RPS6KA4: variants seen among roughly 807,000 people sequenced by gnomAD.
RPS6KA4 encodes the protein ribosomal protein S6 kinase A4, also known as ribosomal protein S6 kinase alpha-4.
Under a neutral mutation model 89.6 loss-of-function variants are expected in RPS6KA4, and 38 were observed. That is an observed-to-expected ratio of 0.42 (90% CI 0.33 to 0.56). The LOEUF (loss-of-function observed/expected upper bound fraction) is 0.56, where lower values mean the gene tolerates loss of function less well. Ranked by LOEUF, RPS6KA4 falls within the 20% of genes least tolerant of loss-of-function variation. The pLI is 0.07. For missense variants in RPS6KA4, 873 were observed against 1,098.8 expected (o/e 0.79, Z 2.90); for synonymous variants, 495 against 492.8 (o/e 1.00, Z -0.06).
chr11:64,371,707 T>G lies in RPS6KA4; in HGVS notation c.*227T>G. The G allele has an allele frequency of 2.2e-6, 1 of 457,494 alleles. No individual in the cohort carries two copies. 28.3% of individuals were successfully genotyped at this position (457,494 alleles called of 1,614,324 possible). Reference sequence around the variant, plus strand: ...GGGGGGCCTGCTGGGGAGTGGGGTTTGGGGGGCCCTCTCCCAGGACACTGC... The same window carrying G: ...GGGGGGCCTGCTGGGGAGTGGGGTTGGGGGGGCCCTCTCCCAGGACACTGC... On this transcript the variant is annotated 3_prime_UTR_variant, in exon 17 of 17. Coordinates refer to ENST00000334205, the MANE Select transcript of RPS6KA4 (RefSeq NM_003942.3).
Position 64,361,019 on chromosome 11 carries a change from C to G in RPS6KA4, c.463-115C>G, listed in dbSNP as rs1234485615. On this transcript the variant is annotated intron_variant, in intron 4 of 16. Transcript: ENST00000334205. This position sits in a 1 kb window ranked among gnomAD's most constrained non-coding sequence, Gnocchi z 4.7. ...AGTGGCTCTGCCCTGGAGACCCCCT[C>G]TACAGGCAGATGACTTTCTCTGGGG... 1 of 768,524 alleles carries G rather than the reference C, an allele frequency of 1.3e-6. No homozygotes were observed. The highest frequency in any genetic ancestry group is 2.1e-6 in the Non-Finnish European group (1 of 475,374). The allele number at this position is 768,524 out of a possible 1,614,324, so 47.6% of individuals were successfully genotyped here. A position where few individuals can be genotyped will look rare whatever the true frequency, so the allele number is the denominator to read the frequency against.
At chr11:64,359,499 C>T in intron 2 of RPS6KA4, 50 bp downstream of exon 2, 1 of 1,586,928 alleles carries the variant, frequency 6.3e-7, no homozygotes, top group Non-Finnish European at 8.6e-7. Flanking sequence ...GTGCCCCTGA[C>T]CTCCTGCCTG....
Position 64,370,557 on chromosome 11 carries a change from C to CT in RPS6KA4, c.1958-5dup. 1 of 1,592,728 alleles carries CT rather than the reference C, an allele frequency of 6.3e-7. No homozygotes were observed. The highest frequency in any genetic ancestry group is 8.5e-7 in the Non-Finnish European group (1 of 1,175,428). On this transcript the variant is annotated splice_polypyrimidine_tract_variant and splice_region_variant and intron_variant, in intron 15 of 16. Transcript: ENST00000334205. This position sits in a 1 kb window ranked among gnomAD's most constrained non-coding sequence, Gnocchi z 4.1. Reference sequence around the variant, plus strand: ...TCCTCCCCACACTTCCTTGCCCCGCCTCCAGGGCTCCTGACCGTGGACCCC... The same window carrying CT: ...TCCTCCCCACACTTCCTTGCCCCGCCTTCCAGGGCTCCTGACCGTGGACCCC...
Position 64,370,734 on chromosome 11 carries a change from G to T in RPS6KA4, c.2121+8G>T. ...CTCAACGCCACCTTCATGGTAAGGG[G>T]CAGGGTCTGTTGAAGGGAAGGGGTG... is the stretch of plus-strand genomic sequence containing the variant. On this transcript the variant is annotated splice_region_variant and intron_variant, in intron 16 of 16. Transcript: ENST00000334205. This position sits in a 1 kb window ranked among gnomAD's most constrained non-coding sequence, Gnocchi z 4.1. 3 of 1,534,890 alleles carry T rather than the reference G, an allele frequency of 2.0e-6. No homozygotes were observed. Among genetic ancestry groups the T allele is most frequent in the South Asian group, 2.4e-5 (2 of 83,624 alleles).
chr11:64,368,378 T>G, intron 10 of RPS6KA4, 90 bp from the exon 11 acceptor site: 2 of 1,543,488 alleles, frequency 1.3e-6, no homozygotes, highest in Non-Finnish European at 1.7e-6. Context: ...GTCCTAAGCC[T>G]CTCCGACATG....
At chr11:64,369,957 A>C (rs2037013969) in intron 14 of RPS6KA4, 64 bp downstream of exon 14, 6 of 1,422,122 alleles carry the variant, frequency 4.2e-6, no homozygotes, top group Non-Finnish European at 5.6e-6. Flanking sequence ...CCTGATGTGC[A>C]GCAGCACGAG....
At chr11:64,363,512 T>C (rs1336154555) in intron 8 of RPS6KA4, among the ~76,000 whole-genome samples, 1 of 152,146 alleles carries the variant, frequency 6.6e-6, no homozygotes, top group Non-Finnish European at 1.5e-5. Context: ...TTCTTTTTTT[T>C]TGGAGACAGA....
Position 64,371,350 on chromosome 11 carries a change from G to T in RPS6KA4, c.2189G>T (p.Arg730Leu), listed in dbSNP as rs1395218082. ...KSVENAPLAKRRKQKLRSATA... is the reference protein window; with the variant it reads ...KSVENAPLAKLRKQKLRSATA... ...GTGGAGAATGCACCCCTGGCCAAGC[G>T]GCGGAAGCAGAAGCTGCGGAGCGCC... The change falls in exon 17 of 17, where the codon CGG (arginine) becomes CTG (leucine). Residue 730 changes from arginine to leucine, a missense_variant. Arg to Leu is a moderately radical substitution (Grantham distance 102). This residue lies in a region of RPS6KA4 where 278 missense variants were observed against 284.8 expected (regional missense o/e 0.98). Transcript: ENST00000334205. 6.2e-7 allele frequency: 1 copy of T among 1,612,696 alleles called. No homozygotes were observed. Among genetic ancestry groups the T allele is most frequent in the South Asian group, 1.1e-5 (1 of 91,088 alleles).
Position 64,361,978 on chromosome 11 carries a change from A to G in RPS6KA4, c.882A>G (p.Glu294=), listed in dbSNP as rs1465415520. The part of the protein sequence containing the change: ...RLGAGPQGAQ[E]VRNHPFFQGL... ...GCGCGGGGCCCCAGGGGGCACAAGAAGTCCGGAACCATCCCTTCTTCCAGG... is the reference window on the plus strand; with the variant it reads ...GCGCGGGGCCCCAGGGGGCACAAGAGGTCCGGAACCATCCCTTCTTCCAGG... Residue 294 remains glutamate (E), a synonymous_variant, in exon 8 of 17, where the codon GAA becomes GAG. Coordinates refer to ENST00000334205, the MANE Select transcript of RPS6KA4 (RefSeq NM_003942.3). The surrounding 1 kb of genome is among the most constrained non-coding windows in gnomAD (Gnocchi z 4.7). 1 of 1,610,376 alleles carries G rather than the reference A, an allele frequency of 6.2e-7. No individual in the cohort carries two copies. The highest frequency in any genetic ancestry group is 1.3e-5 in the African/African-American group (1 of 74,752).
chr11:64,362,950 T>A (rs1346115767), intron 8 of RPS6KA4, among the ~76,000 whole-genome samples: 5 of 152,242 alleles, frequency 3.3e-5, no homozygotes, highest in African/African-American at 1.2e-4. Context: ...GGATTACAGG[T>A]GTGAGCCACC....
At position 64,369,785 on chromosome 11, in the gene RPS6KA4, G is replaced by C. The variant is rs561463571; in HGVS notation, c.1689G>C (p.Gly563=). The change falls in exon 14 of 17, where the codon GGG becomes GGC. Residue 563 remains glycine, a synonymous_variant. Transcript: ENST00000334205. ...GFARLRPQSP[G]VPMQTPCFTL... ...CGCGGTTGCGGCCGCAGAGTCCCGG[G>C]GTGCCCATGCAGACGCCCTGCTTCA... The C allele has an allele frequency of 3.1e-6, 5 of 1,610,762 alleles. No individual in the cohort carries two copies. The highest frequency in any genetic ancestry group is 4.2e-6 in the Non-Finnish European group (5 of 1,179,164).
At position 64,361,653 on chromosome 11, in the gene RPS6KA4, G is replaced by A. The variant is rs376465072; in HGVS notation, c.663G>A (p.Trp221Ter). The change falls in exon 7 of 17, where the codon TGG becomes TGA. Residue 221 changes from tryptophan to a stop codon, truncating the protein, a stop_gained. Transcript: ENST00000334205. LOFTEE classifies it high-confidence loss of function. The surrounding 1 kb of genome is among the most constrained non-coding windows in gnomAD (Gnocchi z 4.7). ...SKTGHGKAVD[W>*]WSLGILLFEL... The stretch of plus-strand genomic sequence containing the variant: ...GCTCCACCCGGCAGGCTGTGGACTG[G>A]TGGAGCCTGGGCATCTTGCTCTTCG... 1 of 1,613,094 alleles carries A rather than the reference G, an allele frequency of 6.2e-7. No homozygotes were observed.
intron 9 of RPS6KA4, 96 bp downstream of exon 9, chr11:64,365,561 G>A (rs866309758): frequency 1.1e-4 from 154 of 1,389,906 alleles, no homozygotes; most frequent in Non-Finnish European, 1.3e-4. Flanking sequence ...TAGGCCTTGT[G>A]TCCTGATTGG....
rs904484167 is a variant in RPS6KA4 at position 64,361,020 on chromosome 11, T to C, written c.463-114T>C. ...GTGGCTCTGCCCTGGAGACCCCCTC[T>C]ACAGGCAGATGACTTTCTCTGGGGG... is the stretch of plus-strand genomic sequence containing the variant. On this transcript the variant is annotated intron_variant, in intron 4 of 16. Transcript: ENST00000334205. The surrounding 1 kb of genome is among the most constrained non-coding windows in gnomAD (Gnocchi z 4.7). The C allele has an allele frequency of 1.9e-5, 15 of 770,952 alleles. No individual in the cohort carries two copies. Among genetic ancestry groups the C allele is most frequent in the Admixed American group, 1.3e-4 (5 of 37,278 alleles). 47.8% of individuals were successfully genotyped at this position (770,952 alleles called of 1,614,324 possible).
chr11:64,360,493 G>C lies in RPS6KA4; in HGVS notation c.363G>C (p.Gly121=), dbSNP rs2036715476. ...ACCTCCCAGACTATGTGAGCGGCGGGGAGATGTTCACCCACCTCTACCAGC... is the reference window on the plus strand; with the variant it reads ...ACCTCCCAGACTATGTGAGCGGCGGCGAGATGTTCACCCACCTCTACCAGC... ...LHLILDYVSG[G]EMFTHLYQRQ... Residue 121 remains glycine (G), a synonymous_variant, in exon 4 of 17, where the codon GGG becomes GGC. Transcript: ENST00000334205. 1 of 1,611,252 alleles carries C rather than the reference G, an allele frequency of 6.2e-7. No individual in the cohort carries two copies. The highest frequency in any genetic ancestry group is 8.5e-7 in the Non-Finnish European group (1 of 1,178,546).
chr11:64,367,277 C>A (rs1019259646), intron 9 of RPS6KA4, among the ~76,000 whole-genome samples: 28 of 151,920 alleles, frequency 1.8e-4, no homozygotes, highest in African/African-American at 6.5e-4. Flanking sequence ...TGCCCAATAG[C>A]TAGGACTACA....
chr11:64,361,578 G>A lies in RPS6KA4; in HGVS notation c.651+29G>A. 6.2e-7 allele frequency: 1 copy of A among 1,613,772 alleles called. No homozygotes were observed. Among genetic ancestry groups the A allele is most frequent in the African/African-American group, 1.3e-5 (1 of 74,964 alleles). On this transcript the variant is annotated intron_variant, in intron 6 of 16. Coordinates refer to ENST00000334205, the MANE Select transcript of RPS6KA4 (RefSeq NM_003942.3). The surrounding 1 kb of genome is among the most constrained non-coding windows in gnomAD (Gnocchi z 4.7). ...GGTTGGCAGGGAAGTGGGGCTGGGG[G>A]AGGTGGAAAGGTGGGGTGTGAGGCA...
chr11:64,365,556 C>A, intron 9 of RPS6KA4, 91 bp downstream of exon 9: 3 of 1,411,652 alleles, frequency 2.1e-6, no homozygotes, highest in Non-Finnish European at 2.9e-6. Context: ...CTGCCTAGGC[C>A]TTGTGTCCTG....
Position 64,368,188 on chromosome 11 carries a change from C to A in RPS6KA4, c.1128C>A (p.Thr376=), listed in dbSNP as rs748627768. The A allele has an allele frequency of 5.6e-6, 9 of 1,613,714 alleles. No individual in the cohort carries two copies. The highest frequency in any genetic ancestry group is 6.8e-6 in the Non-Finnish European group (8 of 1,180,026). Residue 376 remains threonine, a synonymous_variant, in exon 10 of 17, where the codon ACC becomes ACA. Transcript: ENST00000334205. ...TTGACCACAACAACGCGGTGATGAC[C>A]GATGGGCTGGAAGCGCCTGGTGCTG... is the stretch of plus-strand genomic sequence containing the variant. The part of the protein sequence containing the change: ...ILFDHNNAVM[T]DGLEAPGAGD...
Sources: gnomAD v4.1 joint callset for allele counts (sites outside exome capture counted in the v4.1 genomes callset) on GRCh38, gnomAD v4.1.1 for gene constraint, gnomAD v4.1.1 regional missense constraint, Gnocchi (gnomAD v3.1) non-coding constraint, MANE v1.5 for transcripts, NCBI Gene and HGNC (gene_info 2026-07-23, HGNC 2026-07-21) for gene names.